The following STARD13 variants were observed in gnomAD, a reference collection of about 807,000 sequenced individuals.
STARD13 encodes stAR-related lipid transfer protein 13.
STARD13 carries 62 observed loss-of-function variants against 106.4 expected under a neutral mutation model. That is an observed-to-expected ratio of 0.58 (90% CI 0.48 to 0.72). STARD13 has a LOEUF of 0.72. STARD13 is among the 30% of genes least tolerant of loss of function. The pLI, the probability that STARD13 is intolerant of heterozygous loss-of-function variation, is 0.00. For synonymous variants in STARD13, 565 were observed against 553.0 expected (o/e 1.02, Z -0.31); for missense variants, 1,387 against 1,424.0 (o/e 0.97, Z 0.42).
the STARD13 span, among the ~76,000 whole-genome samples, chr13:33,597,849 C>T: frequency 8.7e-5 from 13 of 149,430 alleles, no homozygotes; most frequent in African/African-American, 2.2e-4. Flanking sequence ...AGTGAAACTC[C>T]GTCTCAAAAA....
chr13:33,297,658 A>G (rs1011241753), intron 1 of STARD13, among the ~76,000 whole-genome samples: 2 of 152,286 alleles, frequency 1.3e-5, no homozygotes, highest in South Asian at 2.1e-4. Context: ...CACCAAAAAG[A>G]TAATCATGAC....
At chr13:33,139,556 G>C (rs1305850866) in intron 4 of STARD13, among the ~76,000 whole-genome samples, 1 of 152,224 alleles carries the variant, frequency 6.6e-6, no homozygotes, top group African/African-American at 2.4e-5. Flanking sequence ...GGATTCTGCA[G>C]ATTGGAGGTG....
the STARD13 span, among the ~76,000 whole-genome samples, chr13:33,533,253 T>C: frequency 1.3e-5 from 2 of 151,938 alleles, no homozygotes; most frequent in Non-Finnish European, 2.9e-5. Context: ...GCAGACTGGG[T>C]GAGGAGCAAT....
At chr13:33,388,182 G>A in the STARD13 span, among the ~76,000 whole-genome samples, 1 of 152,132 alleles carries the variant, frequency 6.6e-6, no homozygotes, top group Non-Finnish European at 1.5e-5. Flanking sequence ...TGAAAGCTGT[G>A]GTCCACCAAG....
chr13:33,508,741 C>A, the STARD13 span, among the ~76,000 whole-genome samples: 3 of 152,318 alleles, frequency 2.0e-5, no homozygotes, highest in South Asian at 6.2e-4. Flanking sequence ...GAACTCAAAT[C>A]ATATACAGTC....
chr13:33,542,542 G>A, the STARD13 span, among the ~76,000 whole-genome samples: 1 of 152,234 alleles, frequency 6.6e-6, no homozygotes, highest in African/African-American at 2.4e-5. Context: ...AAGTGCGCAA[G>A]CGCACGGCGA....
At chr13:33,195,371 A>C (rs2138067430) in intron 1 of STARD13, among the ~76,000 whole-genome samples, 1 of 152,338 alleles carries the variant, frequency 6.6e-6, no homozygotes, top group African/African-American at 2.4e-5. Flanking sequence ...GGAAAAATAC[A>C]AAGTGAACAT....
intron 1 of STARD13, chr13:33,271,501 A>C (rs1165461635): frequency 1.3e-5 from 2 of 152,256 alleles, no homozygotes; most frequent in Non-Finnish European, 2.9e-5. Context: ...GAAGGGCTGG[A>C]AGTAGAGGAA....
At chr13:33,418,458 C>T in the STARD13 span, among the ~76,000 whole-genome samples, 1 of 152,188 alleles carries the variant, frequency 6.6e-6, no homozygotes, top group African/African-American at 2.4e-5. Flanking sequence ...GGGTGGAGCC[C>T]ACCGCAGCTC....
At chr13:33,549,231 A>G in the STARD13 span, among the ~76,000 whole-genome samples, 7 of 152,224 alleles carry the variant, frequency 4.6e-5, no homozygotes, top group African/African-American at 1.7e-4. Flanking sequence ...ATAGCTATAC[A>G]TTCTTCCATC....
the STARD13 span, among the ~76,000 whole-genome samples, chr13:33,543,194 G>A: frequency 1.3e-5 from 2 of 152,150 alleles, no homozygotes; most frequent in Admixed American, 1.3e-4. Context: ...TAATTGCCTG[G>A]TAGGAAGATG....
intron 1 of STARD13, among the ~76,000 whole-genome samples, chr13:33,267,722 T>C (rs1412145144): frequency 2.0e-5 from 3 of 152,240 alleles, no homozygotes; most frequent in African/African-American, 4.8e-5. Context: ...CAAGATCCAA[T>C]GTTTTGAGTT....
the STARD13 span, among the ~76,000 whole-genome samples, chr13:33,650,597 G>A: frequency 6.6e-6 from 1 of 152,226 alleles, no homozygotes; most frequent in Non-Finnish European, 1.5e-5. Flanking sequence ...AGAAGAACTT[G>A]TGTAAAAGTA....
chr13:33,158,299 T>C (rs1882215287), intron 3 of STARD13, among the ~76,000 whole-genome samples: 1 of 152,214 alleles, frequency 6.6e-6, no homozygotes, highest in Non-Finnish European at 1.5e-5. Context: ...ACAATACATA[T>C]TTCCAAACCA....
chr13:33,666,085 C>T, the STARD13 span, among the ~76,000 whole-genome samples: 2 of 152,168 alleles, frequency 1.3e-5, no homozygotes, highest in Non-Finnish European at 2.9e-5. Flanking sequence ...TCCTTTGACC[C>T]CAGCCTTCTT....
At chr13:33,171,456 G>A (rs797227) in intron 1 of STARD13, among the ~76,000 whole-genome samples, 127,784 of 152,242 alleles carry the variant, frequency 0.84, 53,818 homozygotes, top group African/African-American at 0.91. Flanking sequence ...ATTTCATTTT[G>A]CTCTCTGGCA....
At chr13:33,313,092 T>C (rs924004359) in intron 1 of STARD13, among the ~76,000 whole-genome samples, 1 of 152,222 alleles carries the variant, frequency 6.6e-6, no homozygotes, top group South Asian at 2.1e-4. Flanking sequence ...TGAAAGACTG[T>C]AGATTGTTGG....
intron 1 of STARD13, among the ~76,000 whole-genome samples, chr13:33,223,345 T>C (rs1888454241): frequency 6.6e-6 from 1 of 152,174 alleles, no homozygotes; most frequent in East Asian, 1.9e-4. Context: ...CTTCTGGTTG[T>C]ATAGGCGAAA....
At chr13:33,278,227 G>C (rs1348279455) in intron 1 of STARD13, 2 of 152,164 alleles carry the variant, frequency 1.3e-5, no homozygotes, top group African/African-American at 4.8e-5. Context: ...TCATAAGTCT[G>C]AATTTCCAAG....
Sources: gnomAD v4.1 joint callset for allele counts (sites outside exome capture counted in the v4.1 genomes callset) on GRCh38, gnomAD v4.1.1 for gene constraint, MANE v1.5 for transcripts, NCBI Gene and HGNC (gene_info 2026-07-23, HGNC 2026-07-21) for gene names.